Variants in PVT1 observed in about 807,000 individuals in gnomAD.
PVT1 encodes Pvt1 oncogene.
intron 2 of PVT1, among the ~76,000 whole-genome samples, chr8:127,887,894 T>TCAAACC (rs751917703): frequency 7.2e-4 from 102 of 142,464 alleles, no homozygotes; most frequent in Non-Finnish European, 1.1e-3. Flanking sequence ...AGCTTTGGAG[T>TCAAACC]CAAACCCAAC....
chr8:127,883,093 T>G (rs10808560), intron 2 of PVT1, among the ~76,000 whole-genome samples: 51,604 of 136,582 alleles, frequency 0.38, 9,365 homozygotes, highest in East Asian at 0.68. Flanking sequence ...CACAGACACA[T>G]GCGGAGTCCA....
At chr8:127,985,293 A>G (rs147878746) in intron 3 of PVT1, among the ~76,000 whole-genome samples, 1 of 151,526 alleles carries the variant, frequency 6.6e-6, no homozygotes, top group Non-Finnish European at 1.5e-5. Flanking sequence ...CGGCCTCCCA[A>G]AGTGTTGGGA....
intron 3 of PVT1, among the ~76,000 whole-genome samples, chr8:127,931,861 C>T (rs1433981106): frequency 1.3e-5 from 2 of 152,286 alleles, no homozygotes; most frequent in East Asian, 3.8e-4. Flanking sequence ...CGGCCAGGGC[C>T]AGAAAGTGAG....
At chr8:127,855,874 C>A (rs1217746885) in intron 2 of PVT1, among the ~76,000 whole-genome samples, 1 of 152,224 alleles carries the variant, frequency 6.6e-6, no homozygotes, top group Non-Finnish European at 1.5e-5. Context: ...GGGCCCCACA[C>A]CTGTGCAGCC....
chr8:127,870,904 G>C (rs1309282981), intron 2 of PVT1, among the ~76,000 whole-genome samples: 1 of 152,172 alleles, frequency 6.6e-6, no homozygotes, highest in Non-Finnish European at 1.5e-5. Flanking sequence ...TAGTGTTGCT[G>C]AATATGCCGT....
intron 4 of PVT1, among the ~76,000 whole-genome samples, chr8:128,066,397 A>G (rs1813911633): frequency 6.6e-6 from 1 of 152,216 alleles, no homozygotes; most frequent in African/African-American, 2.4e-5. Flanking sequence ...TGATGCTGAG[A>G]TTGAGCATGA....
At chr8:128,043,106 A>G (rs1022280493) in intron 4 of PVT1, among the ~76,000 whole-genome samples, 24 of 152,104 alleles carry the variant, frequency 1.6e-4, no homozygotes, top group Admixed American at 2.0e-4. Context: ...GGTCAATGGG[A>G]GGGTGCCTTC....
At chr8:127,851,131 G>A (rs1425901702) in intron 2 of PVT1, among the ~76,000 whole-genome samples, 1 of 152,080 alleles carries the variant, frequency 6.6e-6, no homozygotes, top group Admixed American at 6.5e-5. Context: ...CAATAAAACT[G>A]GGGATGAAGG....
chr8:127,833,159 C>A (rs1814872300), intron 2 of PVT1, among the ~76,000 whole-genome samples: 1 of 152,074 alleles, frequency 6.6e-6, no homozygotes, highest in South Asian at 2.1e-4. Flanking sequence ...CCTATGGAGC[C>A]AAAGGGAGTA....
At chr8:128,075,731 A>G (rs1429448222) in intron 5 of PVT1, among the ~76,000 whole-genome samples, 2 of 152,326 alleles carry the variant, frequency 1.3e-5, no homozygotes, top group South Asian at 2.1e-4. Context: ...TCAGCAATAT[A>G]TTGAGGAGTG....
intron 2 of PVT1, among the ~76,000 whole-genome samples, chr8:127,810,345 C>T (rs187036860): frequency 2.5e-4 from 38 of 152,366 alleles, no homozygotes; most frequent in African/African-American, 7.9e-4. Context: ...CTCCTGTAAG[C>T]GAGCTTTGCA....
At chr8:128,068,349 G>A (rs1021962286) in intron 4 of PVT1, among the ~76,000 whole-genome samples, 1 of 151,932 alleles carries the variant, frequency 6.6e-6, no homozygotes, top group Non-Finnish European at 1.5e-5. Flanking sequence ...AACAAGATGT[G>A]GGTGCTCTTA....
chr8:127,824,334 C>G (rs1303902733), intron 2 of PVT1, among the ~76,000 whole-genome samples: 2 of 152,160 alleles, frequency 1.3e-5, no homozygotes, highest in Non-Finnish European at 2.9e-5. Flanking sequence ...CCTCAGGCCC[C>G]TCCCTTGGGG....
intron 2 of PVT1, among the ~76,000 whole-genome samples, chr8:127,817,395 T>G (rs1417025180): frequency 1.5e-5 from 2 of 131,210 alleles, no homozygotes; most frequent in Non-Finnish European, 3.2e-5. Flanking sequence ...CTATTTAATA[T>G]ATATTAAATA....
At chr8:127,916,500 G>A (rs546428520) in intron 3 of PVT1, among the ~76,000 whole-genome samples, 1 of 152,260 alleles carries the variant, frequency 6.6e-6, no homozygotes, top group Admixed American at 6.5e-5. Context: ...CTCAGCCCAG[G>A]ACTGAATGCA....
At chr8:128,061,837 C>A (rs999702475) in intron 4 of PVT1, among the ~76,000 whole-genome samples, 6 of 152,198 alleles carry the variant, frequency 3.9e-5, no homozygotes, top group Non-Finnish European at 7.3e-5. Context: ...CAAAACTCAT[C>A]AAACTGTTTA....
At chr8:127,854,764 G>A (rs1025365237) in intron 2 of PVT1, 1 of 158,658 alleles carries the variant, frequency 6.3e-6, no homozygotes, top group Non-Finnish European at 1.4e-5. Context: ...GCCACAGGAA[G>A]AGCATACACA....
intron 4 of PVT1, among the ~76,000 whole-genome samples, chr8:127,993,264 G>A (rs752922590): frequency 2.0e-5 from 3 of 152,180 alleles, no homozygotes; most frequent in Non-Finnish European, 2.9e-5. Flanking sequence ...ATCATACACC[G>A]TCACACCCAC....
intron 5 of PVT1, among the ~76,000 whole-genome samples, chr8:128,076,667 T>G (rs1429817223): frequency 1.3e-5 from 2 of 152,140 alleles, no homozygotes; most frequent in Non-Finnish European, 2.9e-5. Context: ...CAATTCCCAG[T>G]GAGCCAGGTA....
Sources: gnomAD v4.1 joint callset for allele counts (sites outside exome capture counted in the v4.1 genomes callset) on GRCh38, gnomAD v4.1.1 for gene constraint, MANE v1.5 for transcripts, NCBI Gene and HGNC (gene_info 2026-07-23, HGNC 2026-07-21) for gene names.